NR3C1: variants seen among roughly 807,000 people sequenced by gnomAD.
NR3C1 encodes nuclear receptor subfamily 3 group C member 1.
A neutral mutation model predicts 74.0 loss-of-function variants in NR3C1; 14 were observed. That is an observed-to-expected ratio of 0.19 (90% CI 0.12 to 0.30). The LOEUF (loss-of-function observed/expected upper bound fraction) is 0.30. NR3C1 is among the 10% of genes least tolerant of loss of function. NR3C1 has a pLI of 1.00. For synonymous variants in NR3C1, 308 were observed against 332.5 expected, an observed-to-expected ratio of 0.93 and a Z score of 0.80; for missense variants, 695 against 909.8, an observed-to-expected ratio of 0.76 and a Z score of 3.04.
chr5:143,433,464 A>ATAATTTATTTATTTAAATTT (rs1173177375), intron 1 of NR3C1, among the ~76,000 whole-genome samples: 2 of 146,472 alleles, frequency 1.4e-5, no homozygotes, highest in Non-Finnish European at 3.0e-5. Context: ...ATATATATAT[A>ATAATTTATTTATTTAAATTT]TATATATTTA....
chr5:143,316,074 CGAAAGCCTGTAACAGAATA>C (rs1224463444), intron 2 of NR3C1, among the ~76,000 whole-genome samples: 1 of 152,176 alleles, frequency 6.6e-6, no homozygotes, highest in Non-Finnish European at 1.5e-5. Flanking sequence ...GACTACACGT[CGAAAGCCTGTAACAGAATA>C]ACCTGAAATG....
intron 7 of NR3C1, among the ~76,000 whole-genome samples, chr5:143,287,567 C>T (rs528789309): frequency 5.7e-4 from 86 of 152,180 alleles, no homozygotes; most frequent in African/African-American, 2.0e-3. Context: ...TCACTGGTAA[C>T]ATGTATCAAA....
chr5:143,408,170 C>T (rs970645206), upstream of NR3C1, among the ~76,000 whole-genome samples: 2 of 152,114 alleles, frequency 1.3e-5, no homozygotes. Context: ...ATAAACTATA[C>T]CTGTAATGCA....
chr5:143,345,213 A>G (rs935487779), intron 2 of NR3C1, among the ~76,000 whole-genome samples: 2 of 152,064 alleles, frequency 1.3e-5, no homozygotes, highest in Non-Finnish European at 2.9e-5. Context: ...AATACAAATT[A>G]TTATTATTGT....
intron 2 of NR3C1, among the ~76,000 whole-genome samples, chr5:143,322,992 T>C (rs532024477): frequency 6.6e-6 from 1 of 152,328 alleles, no homozygotes; most frequent in South Asian, 2.1e-4. Context: ...TCCCCACTTA[T>C]CTGTGGTTTC....
At chr5:143,354,489 A>G (rs1423322674) in intron 2 of NR3C1, among the ~76,000 whole-genome samples, 1 of 152,150 alleles carries the variant, frequency 6.6e-6, no homozygotes, top group African/African-American at 2.4e-5. Flanking sequence ...GCTTAATTTT[A>G]ATATTATTGT....
rs1014343604 is a variant in NR3C1 at position 143,386,561 on chromosome 5, G to A, written c.1184+13095C>T. On this transcript the variant is annotated intron_variant, in intron 2 of 8. Coordinates refer to ENST00000394464, the MANE Select transcript of NR3C1 (RefSeq NM_000176.3). ...GCAAGCAACCCAGAAAATCTCATATGTGTCTGTTTATGCTTATGTAATTAC... is the reference window on the plus strand; with the variant it reads ...GCAAGCAACCCAGAAAATCTCATATATGTCTGTTTATGCTTATGTAATTAC... Among the ~76,000 whole-genome samples the A allele has an allele frequency of 2.0e-5, 3 of 152,126 alleles. No individual in the cohort carries two copies. The South Asian group carries it at 6.2e-4, about 32-fold the overall frequency.
intron 2 of NR3C1, among the ~76,000 whole-genome samples, chr5:143,316,048 T>C (rs758235799): frequency 1.3e-5 from 2 of 152,222 alleles, no homozygotes; most frequent in African/African-American, 2.4e-5. Flanking sequence ...CCCTGCTAGA[T>C]TTGGGCGAGT....
Position 143,400,682 on chromosome 5 carries a change from T to C in NR3C1, c.158A>G (p.Gln53Arg), listed in dbSNP as rs1018341081. 1 of 1,614,060 alleles carries C rather than the reference T, an allele frequency of 6.2e-7. No individual in the cohort carries two copies. Among genetic ancestry groups the C allele is most frequent in the Non-Finnish European group, 8.5e-7 (1 of 1,179,908 alleles). Residue 53 changes from glutamine to arginine, a missense_variant, in exon 2 of 9, where the codon CAA (glutamine) becomes CGA (arginine). Physicochemically the swap from Gln to Arg is conservative, Grantham distance 43. Transcript: ENST00000394464. ...ASSPSLAVAS[Q>R]SDSKQRRLLV... Reference sequence around the variant, plus strand: ...AAGTCTTCGCTGCTTGGAGTCTGATTGAGAAGCGACAGCCAGTGAGGGTGA... The same window carrying C: ...AAGTCTTCGCTGCTTGGAGTCTGATCGAGAAGCGACAGCCAGTGAGGGTGA...
At chr5:143,414,495 T>A (rs1841416436) in intron 1 of NR3C1, among the ~76,000 whole-genome samples, 1 of 152,222 alleles carries the variant, frequency 6.6e-6, no homozygotes, top group South Asian at 2.1e-4. Flanking sequence ...ATAATTACCA[T>A]CAGCAAATAG....
chr5:143,374,110 AT>A (rs1353942899), intron 2 of NR3C1, among the ~76,000 whole-genome samples: 1 of 152,150 alleles, frequency 6.6e-6, no homozygotes, highest in Non-Finnish European at 1.5e-5. Flanking sequence ...TATTCCCCAG[AT>A]TTTAAATTGT....
At position 143,400,808 on chromosome 5, in the gene NR3C1, C is replaced by A; in HGVS notation, c.32G>T (p.Arg11Ile). MDSKESLTPG[R>I]EENPSSVLAQ... ...AAGCACACTGCTGGGGTTTTCTTCT[C>A]TACCAGGAGTTAATGATTCTTTGGA... The change falls in exon 2 of 9, where the codon AGA becomes ATA. Residue 11 changes from arginine to isoleucine, a missense_variant. By Grantham distance (97) the Arg-to-Ile change is moderately conservative (BLOSUM62 -3). Transcript: ENST00000394464. The A allele has an allele frequency of 1.2e-6, 2 of 1,614,054 alleles. No homozygotes were observed. Among genetic ancestry groups the A allele is most frequent in the Non-Finnish European group, 1.7e-6 (2 of 1,180,022 alleles).
intron 2 of NR3C1, among the ~76,000 whole-genome samples, chr5:143,342,529 C>T (rs1370472766): frequency 6.6e-6 from 1 of 152,180 alleles, no homozygotes; most frequent in Non-Finnish European, 1.5e-5. Flanking sequence ...AAAACATTTG[C>T]TGAATCAATT....
rs1350031667 is a variant in NR3C1 at position 143,281,839 on chromosome 5, A to G, written c.*50T>C. ...AGGACAAACTGATAGTTTATACAAT[A>G]AAAGCTATTAATTCGACTTTCTTTA... On this transcript the variant is annotated 3_prime_UTR_variant, in exon 9 of 9. Coordinates refer to ENST00000394464, the MANE Select transcript of NR3C1 (RefSeq NM_000176.3). The G allele has an allele frequency of 1.9e-6, 3 of 1,543,362 alleles. No individual in the cohort carries two copies. The highest frequency in any genetic ancestry group is 2.7e-6 in the Non-Finnish European group (3 of 1,117,660).
rs145042972 is a variant in NR3C1, at chr5:143,304,777, G to T, written c.1469-4014C>A. Among the ~76,000 whole-genome samples, 138 of 152,088 alleles carry T rather than the reference G, an allele frequency of 9.1e-4. 1 individual carries two copies. Among genetic ancestry groups the T allele is most frequent in the African/African-American group, 3.1e-3 (127 of 41,496 alleles). ...CCTACAGCCATGTAATCTACACAAA[G>T]TTGATAAAAATAAGCCATAGGGAAA... is the stretch of plus-strand genomic sequence containing the variant. On this transcript the variant is annotated intron_variant, in intron 4 of 8. Transcript: ENST00000394464.
intron 2 of NR3C1, among the ~76,000 whole-genome samples, chr5:143,344,705 T>G (rs903405411): frequency 2.0e-5 from 3 of 152,154 alleles, no homozygotes. Context: ...AAACCTTGTC[T>G]CTACTAAAAA....
At chr5:143,380,526 C>A (rs149429826) in intron 2 of NR3C1, among the ~76,000 whole-genome samples, 180 of 152,016 alleles carry the variant, frequency 1.2e-3, no homozygotes, top group African/African-American at 4.2e-3. Context: ...TTTCTAAAAC[C>A]CCAAGAATTT....
chr5:143,311,210 G>T (rs781144866), intron 3 of NR3C1, among the ~76,000 whole-genome samples: 1 of 151,932 alleles, frequency 6.6e-6, no homozygotes. Context: ...TCAAAAGTAC[G>T]ATCAACAGAT....
At chr5:143,357,743 A>G (rs1831423566) in intron 2 of NR3C1, among the ~76,000 whole-genome samples, 1 of 152,238 alleles carries the variant, frequency 6.6e-6, no homozygotes, top group Non-Finnish European at 1.5e-5. Flanking sequence ...CTGTGCAAAC[A>G]TTTTAGTTGT....
Sources: allele counts gnomAD v4.1 joint callset (sites outside exome capture counted in the v4.1 genomes callset), GRCh38; gene constraint gnomAD v4.1.1; transcripts MANE v1.5; gene names NCBI Gene and HGNC (gene_info 2026-07-23, HGNC 2026-07-21).